Variants in ACCSL observed in about 807,000 individuals in gnomAD.
The protein encoded by ACCSL is probable inactive 1-aminocyclopropane-1-carboxylate synthase-like protein 2.
ACCSL carries 55 observed loss-of-function variants against 61.7 expected under a neutral mutation model. That is an observed-to-expected ratio of 0.89 (90% CI 0.72 to 1.12). The LOEUF is 1.12. ACCSL is among the 50% of genes most tolerant of loss of function. The pLI is 0.00. For synonymous variants in ACCSL, 258 were observed against 264.3 expected (o/e 0.98, Z 0.23); for missense variants, 632 against 698.0 (o/e 0.91, Z 1.07).
At chr11:43,923,535 C>T in the ACCSL span, among the ~76,000 whole-genome samples, 4 of 152,214 alleles carry the variant, frequency 2.6e-5, no homozygotes, top group African/African-American at 9.7e-5. Context: ...GGAAGGAACA[C>T]GCATGTGAGA....
chr11:43,994,319 C>CT, the ACCSL span, among the ~76,000 whole-genome samples: 2 of 152,194 alleles, frequency 1.3e-5, no homozygotes, highest in Admixed American at 1.3e-4. Context: ...AGTTGCCAGT[C>CT]TAACAGTGTG....
chr11:44,059,876 G>A lies in ACCSL; in HGVS notation c.1663G>A (p.Glu555Lys). The A allele has an allele frequency of 1.2e-6, 2 of 1,613,998 alleles. No homozygotes were observed. The highest frequency in any genetic ancestry group is 1.7e-6 in the Non-Finnish European group (2 of 1,179,898). The change falls in exon 14 of 14, where the codon GAG becomes AAG. Residue 555 changes from glutamate to lysine, a missense_variant. Coordinates refer to ENST00000378832, the MANE Select transcript of ACCSL (RefSeq NM_001031854.2). The stretch of plus-strand genomic sequence containing the variant: ...CTGTGATGTGCTGCAGGAGCAGAAG[G>A]AGGCTTTGATAGTGAAGCAGTTGGA... ...RFCDVLQEQK[E>K]ALIVKQLEDA... is the part of the protein sequence containing the mutation.
chr11:43,984,343 T>C, the ACCSL span, among the ~76,000 whole-genome samples: 1 of 152,216 alleles, frequency 6.6e-6, no homozygotes, highest in East Asian at 1.9e-4. Flanking sequence ...TCCCTCACCT[T>C]TCTGTCCCAT....
the ACCSL span, among the ~76,000 whole-genome samples, chr11:43,937,318 C>T: frequency 6.6e-6 from 1 of 152,134 alleles, no homozygotes; most frequent in Non-Finnish European, 1.5e-5. Context: ...GACAAACATG[C>T]CATGAAAGAA....
the ACCSL span, among the ~76,000 whole-genome samples, chr11:43,992,420 A>C: frequency 1.3e-5 from 2 of 152,136 alleles, no homozygotes; most frequent in Non-Finnish European, 2.9e-5. Context: ...ACACAGGACA[A>C]ATCCCTCTTA....
the ACCSL span, among the ~76,000 whole-genome samples, chr11:43,989,992 G>A: frequency 2.6e-5 from 4 of 152,190 alleles, no homozygotes; most frequent in African/African-American, 9.6e-5. Flanking sequence ...GCTGTCAGTC[G>A]CCATGCCAGA....
At chr11:43,972,032 T>A in the ACCSL span, among the ~76,000 whole-genome samples, 1 of 152,222 alleles carries the variant, frequency 6.6e-6, no homozygotes, top group Non-Finnish European at 1.5e-5. Context: ...GAAAACAGCA[T>A]GTCTACTTTT....
the ACCSL span, among the ~76,000 whole-genome samples, chr11:44,009,467 A>C: frequency 6.6e-6 from 1 of 152,188 alleles, no homozygotes; most frequent in Non-Finnish European, 1.5e-5. Context: ...AAAAAGCTGC[A>C]TATAAAAAGT....
the ACCSL span, among the ~76,000 whole-genome samples, chr11:43,991,226 C>CTT: frequency 2.6e-5 from 4 of 152,214 alleles, no homozygotes; most frequent in African/African-American, 9.6e-5. Flanking sequence ...AAGTCTGAAG[C>CTT]TTGTATTCCA....
chr11:44,024,302 A>G, the ACCSL span, among the ~76,000 whole-genome samples: 1 of 152,126 alleles, frequency 6.6e-6, no homozygotes, highest in Non-Finnish European at 1.5e-5. Flanking sequence ...ATCTGGAACT[A>G]TACCTCCAGC....
At chr11:43,956,372 A>G in the ACCSL span, among the ~76,000 whole-genome samples, 1 of 152,170 alleles carries the variant, frequency 6.6e-6, no homozygotes, top group Non-Finnish European at 1.5e-5. Context: ...AACAAAGGCA[A>G]GAGGGGGTTG....
At chr11:43,930,843 T>G in the ACCSL span, among the ~76,000 whole-genome samples, 1 of 152,094 alleles carries the variant, frequency 6.6e-6, no homozygotes, top group Non-Finnish European at 1.5e-5. Flanking sequence ...GCACACACAC[T>G]AAAACTAAAG....
the ACCSL span, among the ~76,000 whole-genome samples, chr11:43,934,798 C>G: frequency 1.3e-5 from 2 of 152,186 alleles, no homozygotes; most frequent in Non-Finnish European, 2.9e-5. Flanking sequence ...GATGTGCATC[C>G]TGGGACACAC....
At chr11:44,022,579 C>T in the ACCSL span, among the ~76,000 whole-genome samples, 1 of 152,040 alleles carries the variant, frequency 6.6e-6, no homozygotes, top group African/African-American at 2.4e-5. Flanking sequence ...GTTTGATTTC[C>T]TCTTTACTCA....
At chr11:43,944,939 C>G in the ACCSL span, 1 of 153,192 alleles carries the variant, frequency 6.5e-6, no homozygotes, top group Non-Finnish European at 1.5e-5. Context: ...CTCGGGCGCC[C>G]TCTGGTGGTG....
chr11:43,984,534 A>AATG, the ACCSL span, among the ~76,000 whole-genome samples: 1 of 152,230 alleles, frequency 6.6e-6, no homozygotes, highest in Non-Finnish European at 1.5e-5. Flanking sequence ...TATGCTTGAC[A>AATG]ATGACCTAGC....
chr11:43,986,278 C>T, the ACCSL span, among the ~76,000 whole-genome samples: 1 of 152,036 alleles, frequency 6.6e-6, no homozygotes, highest in African/African-American at 2.4e-5. Context: ...AACCTGTCTC[C>T]CTGCTGTCTT....
At chr11:43,934,799 T>C in the ACCSL span, among the ~76,000 whole-genome samples, 112,344 of 152,134 alleles carry the variant, frequency 0.74, 41,895 homozygotes, top group Non-Finnish European at 0.79. Flanking sequence ...ATGTGCATCC[T>C]GGGACACACT....
the ACCSL span, among the ~76,000 whole-genome samples, chr11:43,992,809 A>G: frequency 6.6e-6 from 1 of 152,218 alleles, no homozygotes; most frequent in Non-Finnish European, 1.5e-5. Flanking sequence ...GAAATGTATA[A>G]TGGTTCAAAC....
Sources: allele counts gnomAD v4.1 joint callset (sites outside exome capture counted in the v4.1 genomes callset), GRCh38; gene constraint gnomAD v4.1.1; transcripts MANE v1.5; gene names NCBI Gene and HGNC (gene_info 2026-07-23, HGNC 2026-07-21).